The following EXOC2 variants were observed in gnomAD, a reference collection of about 807,000 sequenced individuals.
EXOC2 encodes the protein exocyst complex component 2.
Under a neutral mutation model 131.8 loss-of-function variants are expected in EXOC2, and 70 were observed. The observed-to-expected ratio is 0.53, with a 90% CI of 0.44 to 0.65. The LOEUF (loss-of-function observed/expected upper bound fraction) is 0.65, where lower values mean the gene tolerates loss of function less well. EXOC2 is among the 30% of genes least tolerant of loss of function. The pLI is 0.00. For synonymous variants in EXOC2, 411 were observed against 398.4 expected, an observed-to-expected ratio of 1.03 and a Z score of -0.38; for missense variants, 923 against 1,108.6, an observed-to-expected ratio of 0.83 and a Z score of 2.38.
At chr6:595,202 C>G (rs995326734) in intron 10 of EXOC2, among the ~76,000 whole-genome samples, 1 of 151,986 alleles carries the variant, frequency 6.6e-6, no homozygotes, top group Admixed American at 6.6e-5. Context: ...AAATTGTGAA[C>G]AGTAAGACAA....
In EXOC2 at chr6:618,358, T is replaced by A. The variant is rs73371982; in HGVS notation, c.537-523A>T. ...TGGGTCGATTCACAACTTAAATAAC[T>A]AGGAAGACCACAATATCTCATCTCA... On this transcript the variant is annotated intron_variant, in intron 5 of 27. Coordinates refer to ENST00000230449, the MANE Select transcript of EXOC2 (RefSeq NM_018303.6). Among the ~76,000 whole-genome samples the A allele has an allele frequency of 5.7e-3, 869 of 152,300 alleles. 8 individuals carry two copies. Among genetic ancestry groups the A allele is most frequent in the African/African-American group, 0.02 (825 of 41,562 alleles).
chr6:588,225 C>G (rs576436636), intron 11 of EXOC2, among the ~76,000 whole-genome samples: 98 of 152,120 alleles, frequency 6.4e-4, no homozygotes, highest in African/African-American at 2.3e-3. Flanking sequence ...TGTTTACTGA[C>G]AATGACAGAG....
chr6:668,700 G>A (rs547185540), intron 1 of EXOC2, among the ~76,000 whole-genome samples: 3 of 152,182 alleles, frequency 2.0e-5, no homozygotes, highest in African/African-American at 7.2e-5. Context: ...CCAGTAATTC[G>A]TCCTAAGGCA....
At chr6:507,383 G>A (rs1440660375) in intron 23 of EXOC2, among the ~76,000 whole-genome samples, 1 of 143,440 alleles carries the variant, frequency 7.0e-6, no homozygotes, top group Non-Finnish European at 1.5e-5. Context: ...CACACACAGA[G>A]TGCTCCTGCA....
At chr6:496,642 C>T (rs978337597) in intron 25 of EXOC2, among the ~76,000 whole-genome samples, 10 of 152,120 alleles carry the variant, frequency 6.6e-5, no homozygotes, top group Admixed American at 5.2e-4. Flanking sequence ...GAAATTCATG[C>T]GGGTGCCATT....
chr6:499,743 C>T, intron 23 of EXOC2, 43 bp from the exon 24 acceptor site: 1 of 1,534,872 alleles, frequency 6.5e-7, no homozygotes. Flanking sequence ...TTAATAATAA[C>T]ACAAGCTCCC....
chr6:551,150 C>T (rs1030988893), intron 21 of EXOC2, among the ~76,000 whole-genome samples: 6 of 152,172 alleles, frequency 3.9e-5, no homozygotes, highest in Non-Finnish European at 7.3e-5. Context: ...ACAACGCCGC[C>T]CATCAAATGT....
chr6:609,795 T>G (rs1760621803), intron 7 of EXOC2, among the ~76,000 whole-genome samples: 1 of 152,238 alleles, frequency 6.6e-6, no homozygotes, highest in South Asian at 2.1e-4. Flanking sequence ...ACTGCTTCAG[T>G]GCTTTCCTCG....
chr6:675,459 T>A (rs1764068290), intron 1 of EXOC2, among the ~76,000 whole-genome samples: 1 of 152,250 alleles, frequency 6.6e-6, no homozygotes, highest in South Asian at 2.1e-4. Context: ...AGACGTGTTC[T>A]CCATTCTAAA....
intron 1 of EXOC2, among the ~76,000 whole-genome samples, chr6:665,143 A>G (rs964476805): frequency 1.3e-5 from 2 of 152,244 alleles, no homozygotes; most frequent in Admixed American, 6.5e-5. Flanking sequence ...GCAACTCTCA[A>G]AAGAAGATAT....
intron 13 of EXOC2, among the ~76,000 whole-genome samples, chr6:568,409 G>A (rs1442220678): frequency 1.3e-5 from 2 of 152,184 alleles, no homozygotes; most frequent in African/African-American, 2.4e-5. Flanking sequence ...GTCTCGAGCC[G>A]GCTGGCATTC....
At chr6:627,831 C>A (rs1761656898) in intron 4 of EXOC2, among the ~76,000 whole-genome samples, 1 of 152,096 alleles carries the variant, frequency 6.6e-6, no homozygotes, top group Non-Finnish European at 1.5e-5. Flanking sequence ...TTTACTTTAT[C>A]CCATGGCTGA....
chr6:495,878 C>A (rs6915195), intron 25 of EXOC2, among the ~76,000 whole-genome samples: 360 of 151,818 alleles, frequency 2.4e-3, no homozygotes, highest in African/African-American at 8.4e-3. Flanking sequence ...TCCCACGGGT[C>A]GAGAGCTCCG....
Position 558,480 on chromosome 6 carries a change from T to C in EXOC2, c.1852-1916A>G, listed in dbSNP as rs549544378. Among the ~76,000 whole-genome samples, 4 of 152,312 alleles carry C rather than the reference T, an allele frequency of 2.6e-5. No homozygotes were observed. The South Asian group carries it at 6.2e-4, about 24-fold the overall frequency. ...TACAATGATAATTATTACTATAATA[T>C]TGACAATCGAATCTGAAATTCAACC... On this transcript the variant is annotated intron_variant, in intron 17 of 27. Coordinates refer to ENST00000230449, the MANE Select transcript of EXOC2 (RefSeq NM_018303.6).
At chr6:592,177 G>A (rs1561899001) in intron 11 of EXOC2, among the ~76,000 whole-genome samples, 1 of 152,164 alleles carries the variant, frequency 6.6e-6, no homozygotes, top group East Asian at 1.9e-4. Context: ...CTGACGAGAC[G>A]ATGTGCAGAC....
intron 23 of EXOC2, among the ~76,000 whole-genome samples, chr6:529,359 C>T (rs966674632): frequency 1.3e-5 from 2 of 152,082 alleles, no homozygotes; most frequent in African/African-American, 4.8e-5. Context: ...ACTAAAGATG[C>T]CTCGCTGTTT....
intron 4 of EXOC2, 145 bp downstream of exon 4, chr6:629,690 T>C: frequency 2.1e-6 from 2 of 961,356 alleles, no homozygotes; most frequent in Non-Finnish European, 2.9e-6. Flanking sequence ...CAAGGCTTCA[T>C]AAATAACACC....
intron 23 of EXOC2, among the ~76,000 whole-genome samples, chr6:524,525 T>C (rs1765642545): frequency 6.6e-6 from 1 of 152,198 alleles, no homozygotes; most frequent in Non-Finnish European, 1.5e-5. Context: ...GGGACGCTAG[T>C]CTGTAATTTT....
intron 11 of EXOC2, 22 bp from the exon 12 acceptor site, chr6:576,904 T>G: frequency 6.2e-7 from 1 of 1,612,028 alleles, no homozygotes; most frequent in Non-Finnish European, 8.5e-7. Context: ...AGGAGAGATA[T>G]ACAGAGTATA....
Sources: gnomAD v4.1 joint callset for allele counts (sites outside exome capture counted in the v4.1 genomes callset) on GRCh38, gnomAD v4.1.1 for gene constraint, MANE v1.5 for transcripts, NCBI Gene and HGNC (gene_info 2026-07-23, HGNC 2026-07-21) for gene names.